SHANK2: variants seen among roughly 807,000 people sequenced by gnomAD.
SHANK2 encodes SH3 and multiple ankyrin repeat domains protein 2.
In SHANK2, 43 loss-of-function variants were observed where a neutral mutation model predicts 133.7. The ratio of observed to expected loss-of-function variants is 0.32; its 90% CI spans 0.25 to 0.41. SHANK2 has a LOEUF of 0.41. Among genes scored for constraint, SHANK2 ranks in the 10% least tolerant of loss-of-function variants. The pLI, the probability that SHANK2 is intolerant of heterozygous loss-of-function variation, is 1.00. For missense variants in SHANK2, 1,994 were observed against 2,235.8 expected (o/e 0.89, Z 2.18); for synonymous variants, 1,017 against 952.8 (o/e 1.07, Z -1.24).
At chr11:71,235,680 T>A (rs1250654628) in intron 1 of SHANK2, among the ~76,000 whole-genome samples, 1 of 151,896 alleles carries the variant, frequency 6.6e-6, no homozygotes, top group Non-Finnish European at 1.5e-5. Flanking sequence ...TCTCGACGGC[T>A]CACAAGGGTT....
chr11:70,658,880 G>A (rs1162921574), intron 17 of SHANK2, among the ~76,000 whole-genome samples: 2 of 152,232 alleles, frequency 1.3e-5, no homozygotes, highest in Non-Finnish European at 2.9e-5. Context: ...CCACCTGCAT[G>A]TGGAGTTCTG....
At chr11:71,198,026 C>G (rs574070839) in intron 2 of SHANK2, among the ~76,000 whole-genome samples, 1 of 152,176 alleles carries the variant, frequency 6.6e-6, no homozygotes, top group Non-Finnish European at 1.5e-5. Context: ...CAGCAGTTGC[C>G]GAAGCTTCAC....
At chr11:70,538,337 C>A (rs2059570887) in intron 17 of SHANK2, among the ~76,000 whole-genome samples, 1 of 152,268 alleles carries the variant, frequency 6.6e-6, no homozygotes, top group African/African-American at 2.4e-5. Context: ...TCTGAGGCCA[C>A]CGCCTTTGTC....
At position 70,500,595 on chromosome 11, in the gene SHANK2, C is replaced by T; in HGVS notation, c.2288-5G>A. ...CCTTCTTCTTCCGGACCGAGGCTTG[C>T]AAACAGAAAGGGGACCGCCATGAGC... On this transcript the variant is annotated splice_region_variant and splice_polypyrimidine_tract_variant and intron_variant, in intron 20 of 25. Coordinates refer to ENST00000601538, the MANE Select transcript of SHANK2 (RefSeq NM_012309.5). The surrounding 1 kb of genome is among the most constrained non-coding windows in gnomAD (Gnocchi z 4.5). 1 of 1,601,456 alleles carries T rather than the reference C, an allele frequency of 6.2e-7. No individual in the cohort carries two copies. The highest frequency in any genetic ancestry group is 8.5e-7 in the Non-Finnish European group (1 of 1,174,200).
chr11:70,478,915 T>C (rs572761753), intron 25 of SHANK2, among the ~76,000 whole-genome samples: 1 of 152,366 alleles, frequency 6.6e-6, no homozygotes, highest in Non-Finnish European at 1.5e-5. Flanking sequence ...AATCCAGGTC[T>C]TCAGGCCAGG....
intron 17 of SHANK2, among the ~76,000 whole-genome samples, chr11:70,545,325 C>A (rs1230567465): frequency 1.3e-5 from 2 of 152,344 alleles, no homozygotes; most frequent in African/African-American, 4.8e-5. Context: ...AGCTCCTGCT[C>A]CAGAGACATT....
At chr11:70,905,472 G>A (rs1486059763) in intron 10 of SHANK2, among the ~76,000 whole-genome samples, 1 of 152,114 alleles carries the variant, frequency 6.6e-6, no homozygotes, top group Non-Finnish European at 1.5e-5. Flanking sequence ...GTGGCCGTGC[G>A]GATTTCTGCC....
chr11:71,092,320 G>A (rs1351572833), intron 8 of SHANK2, 102 bp downstream of exon 8: 1 of 1,273,826 alleles, frequency 7.9e-7, no homozygotes, highest in Non-Finnish European at 1.1e-6. Context: ...AATACCTGAA[G>A]GCAGGATCTA....
intron 17 of SHANK2, among the ~76,000 whole-genome samples, chr11:70,657,571 C>A (rs889035905): frequency 2.0e-5 from 3 of 152,182 alleles, no homozygotes; most frequent in South Asian, 4.1e-4. Flanking sequence ...GCTGCCTGCA[C>A]CCCGCACCCT....
At chr11:70,954,924 G>C (rs4627107) in intron 10 of SHANK2, among the ~76,000 whole-genome samples, 59,126 of 152,184 alleles carry the variant, frequency 0.39, 13,583 homozygotes, top group Non-Finnish European at 0.5. Flanking sequence ...TCATCCACAG[G>C]AGGCCCTGCT....
Position 71,188,891 on chromosome 11 carries a change from G to T in SHANK2, c.-13+35806C>A, listed in dbSNP as rs904268511. On this transcript the variant is annotated intron_variant, in intron 2 of 25. Transcript: ENST00000601538. This position sits in a 1 kb window ranked among gnomAD's most constrained non-coding sequence, Gnocchi z 4.6. ...CAGAGGCAAGTGATGGGTCAAGGTG[G>T]GTGGAAGCAAACCCTGGGGTTCTCT... Among the ~76,000 whole-genome samples, 1 of 152,158 alleles carries T rather than the reference G, an allele frequency of 6.6e-6. No individual in the cohort carries two copies. Among genetic ancestry groups the T allele is most frequent in the Non-Finnish European group, 1.5e-5 (1 of 68,036 alleles).
chr11:70,627,735 A>T (rs781814670), intron 17 of SHANK2, among the ~76,000 whole-genome samples: 2 of 152,238 alleles, frequency 1.3e-5, no homozygotes, highest in African/African-American at 2.4e-5. Flanking sequence ...AATTTTATAC[A>T]ACATTTAAAG....
chr11:70,719,122 G>A (rs1330123944), intron 14 of SHANK2, among the ~76,000 whole-genome samples: 7 of 152,240 alleles, frequency 4.6e-5, no homozygotes, highest in South Asian at 4.1e-4. Context: ...CTGCAAGCTC[G>A]CCGTGGCGCA....
chr11:70,548,823 T>C (rs2059728214), intron 17 of SHANK2, among the ~76,000 whole-genome samples: 1 of 152,192 alleles, frequency 6.6e-6, no homozygotes, highest in South Asian at 2.1e-4. Flanking sequence ...TCATTGGTGT[T>C]CTCAAACAAG....
At chr11:70,638,932 G>A (rs949617810) in intron 17 of SHANK2, among the ~76,000 whole-genome samples, 1 of 152,100 alleles carries the variant, frequency 6.6e-6, no homozygotes, top group East Asian at 1.9e-4. Context: ...GGGAGGTGGA[G>A]GTTGCAGTGA....
rs142572240 is a variant in SHANK2, at chr11:70,791,108, C to T, written c.1777+7335G>A. Among the ~76,000 whole-genome samples the T allele has an allele frequency of 2.1e-3, 323 of 152,298 alleles. 3 individuals are homozygous for T. The highest frequency in any genetic ancestry group is 5.1e-3 in the African/African-American group (213 of 41,560). ...CCACTGAAGTTGTGGGTTCACTTGTCGTAGCAGCTGACATTGAGCTACCTA... is the reference window on the plus strand; with the variant it reads ...CCACTGAAGTTGTGGGTTCACTTGTTGTAGCAGCTGACATTGAGCTACCTA... On this transcript the variant is annotated intron_variant, in intron 14 of 25. Transcript: ENST00000601538.
chr11:71,092,679 C>G lies in SHANK2; in HGVS notation c.745-90G>C, dbSNP rs1272292669. On this transcript the variant is annotated intron_variant, in intron 7 of 25. Transcript: ENST00000601538. ...TCCAGAAAGCAGCACCAGGACCACC[C>G]TCCCCCAGGTCAAGGCAACCCACAC... The G allele has an allele frequency of 2.2e-6, 3 of 1,349,980 alleles. No homozygotes were observed. In the Admixed American group the frequency reaches 6.2e-5, roughly 28 times the overall value. 83.6% of individuals were successfully genotyped at this position (1,349,980 alleles called of 1,614,324 possible).
intron 17 of SHANK2, among the ~76,000 whole-genome samples, chr11:70,542,317 G>A (rs1349372477): frequency 1.3e-5 from 2 of 152,176 alleles, no homozygotes; most frequent in African/African-American, 4.8e-5. Flanking sequence ...TGAGAAGAGA[G>A]AGGAGGATGA....
At chr11:70,541,587 G>T (rs1392622929) in intron 17 of SHANK2, among the ~76,000 whole-genome samples, 1 of 152,244 alleles carries the variant, frequency 6.6e-6, no homozygotes, top group Non-Finnish European at 1.5e-5. Context: ...TGACAGATGT[G>T]GGGCGTGGAG....
Sources: allele counts gnomAD v4.1 joint callset (sites outside exome capture counted in the v4.1 genomes callset), GRCh38; gene constraint gnomAD v4.1.1; non-coding constraint Gnocchi (gnomAD v3.1); transcripts MANE v1.5; gene names NCBI Gene and HGNC (gene_info 2026-07-23, HGNC 2026-07-21).